The following FMN2 variants were observed in gnomAD, a reference collection of about 807,000 sequenced individuals.
FMN2 encodes formin-2.
Under a neutral mutation model 142.3 loss-of-function variants are expected in FMN2, and 51 were observed. The observed-to-expected ratio is 0.36, with a 90% CI of 0.29 to 0.45. The LOEUF (loss-of-function observed/expected upper bound fraction) is 0.45. FMN2 is among the 20% of genes least tolerant of loss of function. The pLI, the probability that FMN2 is intolerant of heterozygous loss-of-function variation, is 1.00. For missense variants in FMN2, 1,936 were observed against 2,122.8 expected, an observed-to-expected ratio of 0.91 and a Z score of 1.73; for synonymous variants, 882 against 869.8, an observed-to-expected ratio of 1.01 and a Z score of -0.25.
At chr1:240,449,042 C>T (rs965832521) in intron 16 of FMN2, among the ~76,000 whole-genome samples, 13 of 151,384 alleles carry the variant, frequency 8.6e-5, no homozygotes, top group Middle Eastern at 3.4e-3. Flanking sequence ...CTTGGGGGCC[C>T]GAGGTGGGAG....
chr1:240,142,067 A>G (rs10802841), intron 2 of FMN2, among the ~76,000 whole-genome samples: 76,094 of 152,030 alleles, frequency 0.5, 19,516 homozygotes, highest in African/African-American at 0.61. Flanking sequence ...AGACTGATGG[A>G]ATGCACTTTG....
chr1:240,281,771 C>G (rs1669404118), intron 7 of FMN2, among the ~76,000 whole-genome samples: 1 of 152,070 alleles, frequency 6.6e-6, no homozygotes, highest in African/African-American at 2.4e-5. Flanking sequence ...GGTAATATCT[C>G]TAAGGTACTG....
At chr1:240,146,076 G>T (rs539469927) in intron 2 of FMN2, among the ~76,000 whole-genome samples, 1 of 151,772 alleles carries the variant, frequency 6.6e-6, no homozygotes, top group Admixed American at 6.6e-5. Context: ...CGTTCAAAGT[G>T]ATTTAAAAAA....
intron 2 of FMN2, among the ~76,000 whole-genome samples, chr1:240,162,537 A>AT (rs1048691966): frequency 2.0e-5 from 3 of 152,160 alleles, no homozygotes; most frequent in East Asian, 1.9e-4. Context: ...GGTAAATTGC[A>AT]TTTTTTTCCT....
chr1:240,434,753 T>C (rs531796383), intron 15 of FMN2, among the ~76,000 whole-genome samples: 1 of 151,040 alleles, frequency 6.6e-6, no homozygotes, highest in Non-Finnish European at 1.5e-5. Context: ...TTTGTATTTT[T>C]AGTAGAGACG....
At chr1:240,401,708 C>T (rs561814017) in intron 15 of FMN2, among the ~76,000 whole-genome samples, 63 of 152,340 alleles carry the variant, frequency 4.1e-4, no homozygotes, top group Admixed American at 3.1e-3. Context: ...CATATAATAA[C>T]TGAACAGCCT....
At chr1:240,101,737 G>C (rs1443518125) in intron 1 of FMN2, among the ~76,000 whole-genome samples, 2 of 149,170 alleles carry the variant, frequency 1.3e-5, no homozygotes, top group Non-Finnish European at 3.0e-5. Context: ...TGGAGAGACA[G>C]GGTCTCACTA....
chr1:240,141,881 G>C (rs1047353748), intron 2 of FMN2, among the ~76,000 whole-genome samples: 1 of 152,098 alleles, frequency 6.6e-6, no homozygotes, highest in Non-Finnish European at 1.5e-5. Flanking sequence ...TCAGAAGTTG[G>C]GTGGTTGAGT....
At chr1:240,117,952 A>G (rs775784616) in intron 1 of FMN2, among the ~76,000 whole-genome samples, 4 of 152,198 alleles carry the variant, frequency 2.6e-5, no homozygotes, top group Non-Finnish European at 5.9e-5. Context: ...GTGCTCCTTC[A>G]GAAAGGGTAT....
chr1:240,436,393 AAC>A (rs1675371074), intron 15 of FMN2, among the ~76,000 whole-genome samples: 2 of 152,210 alleles, frequency 1.3e-5, no homozygotes, highest in Admixed American at 1.3e-4. Context: ...GGCAAGTTTA[AAC>A]ACAGAGCAGA....
intron 14 of FMN2, among the ~76,000 whole-genome samples, chr1:240,380,665 T>G (rs182571314): frequency 6.6e-6 from 1 of 150,532 alleles, no homozygotes; most frequent in African/African-American, 2.4e-5. Flanking sequence ...AATGTAACAT[T>G]GCATCTCAAG....
chr1:240,357,290 C>G (rs1672303108), intron 14 of FMN2, among the ~76,000 whole-genome samples: 1 of 152,152 alleles, frequency 6.6e-6, no homozygotes. Context: ...ACAAATGTCA[C>G]TCTTATTCTT....
chr1:240,326,050 A>G (rs533560308), intron 8 of FMN2, among the ~76,000 whole-genome samples: 2 of 152,354 alleles, frequency 1.3e-5, no homozygotes, highest in South Asian at 4.1e-4. Context: ...GTAATAGTTC[A>G]GTATATGCTG....
intron 6 of FMN2, among the ~76,000 whole-genome samples, chr1:240,237,288 A>G (rs1228181550): frequency 1.3e-5 from 2 of 152,206 alleles, no homozygotes; most frequent in African/African-American, 4.8e-5. Context: ...CCAACTTAGA[A>G]AACAGTCAGG....
chr1:240,439,327 T>A (rs1675524818), intron 16 of FMN2, among the ~76,000 whole-genome samples: 1 of 151,514 alleles, frequency 6.6e-6, no homozygotes, highest in Non-Finnish European at 1.5e-5. Flanking sequence ...GAAACTTTGT[T>A]CACAAAATTC....
At chr1:240,226,959 G>C (rs1667330043) in intron 6 of FMN2, among the ~76,000 whole-genome samples, 1 of 152,090 alleles carries the variant, frequency 6.6e-6, no homozygotes, top group African/African-American at 2.4e-5. Context: ...GTTCATTCTT[G>C]TTACTTCTGT....
chr1:240,188,380 C>A, intron 4 of FMN2, 118 bp downstream of exon 4: 1 of 992,032 alleles, frequency 1.0e-6, no homozygotes. Context: ...CTTGTTTTCC[C>A]TAAGCCTGCA....
intron 6 of FMN2, among the ~76,000 whole-genome samples, chr1:240,213,888 A>T (rs916218882): frequency 2.0e-5 from 3 of 152,244 alleles, no homozygotes; most frequent in Admixed American, 1.3e-4. Flanking sequence ...CAGTGTGATA[A>T]TAGAAGATTC....
chr1:240,245,640 G>A (rs1668055095), intron 6 of FMN2: 6 of 469,778 alleles, frequency 1.3e-5, no homozygotes, highest in Admixed American at 4.7e-5. Flanking sequence ...GTGTAGTAGG[G>A]GTATTAGTTA....
Sources: allele counts gnomAD v4.1 joint callset (sites outside exome capture counted in the v4.1 genomes callset), GRCh38; gene constraint gnomAD v4.1.1; transcripts MANE v1.5; gene names NCBI Gene and HGNC (gene_info 2026-07-23, HGNC 2026-07-21).